The following NXPH2 variants were observed in gnomAD, a reference collection of about 807,000 sequenced individuals.
NXPH2 encodes neurexophilin-2.
Under a neutral mutation model 19.8 loss-of-function variants are expected in NXPH2, and 5 were observed. The observed-to-expected ratio is 0.25, with a 90% CI of 0.13 to 0.53. NXPH2 has a LOEUF of 0.53. NXPH2 is among the 20% of genes least tolerant of loss of function. The pLI, the probability that NXPH2 is intolerant of heterozygous loss-of-function variation, is 0.96. For synonymous variants in NXPH2, 154 were observed against 127.4 expected, an observed-to-expected ratio of 1.21 and a Z score of -1.41; for missense variants, 289 against 322.8, an observed-to-expected ratio of 0.90 and a Z score of 0.80.
At position 138,693,624 on chromosome 2, in the gene NXPH2, T is replaced by C. The variant is rs115110501; in HGVS notation, c.52-21959A>G. The stretch of plus-strand genomic sequence containing the variant: ...CAAAGATGTGACTCTCTAGAAGCAA[T>C]AAACTATAAGAGAGCTGTATTGGTG... On this transcript the variant is annotated intron_variant, in intron 1 of 1. Transcript: ENST00000272641. Among the ~76,000 whole-genome samples, 432 of 151,918 alleles carry C rather than the reference T, an allele frequency of 2.8e-3. 2 individuals are homozygous for C. Among genetic ancestry groups the C allele is most frequent in the African/African-American group, 9.7e-3 (402 of 41,412 alleles).
At position 138,765,173 on chromosome 2, in the gene NXPH2, T is replaced by C. The variant is rs570382475; in HGVS notation, c.51+15018A>G. Among the ~76,000 whole-genome samples, 3 of 152,322 alleles carry C rather than the reference T, an allele frequency of 2.0e-5. No individual in the cohort carries two copies. In the East Asian group the frequency reaches 5.8e-4, roughly 29 times the overall value. On this transcript the variant is annotated intron_variant, in intron 1 of 1. Coordinates refer to ENST00000272641, the MANE Select transcript of NXPH2 (RefSeq NM_007226.3). ...TTATTTGTGTGCCTGCATGTGTTTA[T>C]GTATAAAGACAGGCACAGGAATGTG... is the stretch of plus-strand genomic sequence containing the variant.
intron 1 of NXPH2, among the ~76,000 whole-genome samples, chr2:138,759,637 A>C (rs1188237968): frequency 6.6e-6 from 1 of 151,466 alleles, no homozygotes; most frequent in Non-Finnish European, 1.5e-5. Flanking sequence ...CACGAGCCAC[A>C]CCTATCTTAT....
intron 1 of NXPH2, among the ~76,000 whole-genome samples, chr2:138,717,074 G>A (rs1279321726): frequency 6.6e-6 from 1 of 152,134 alleles, no homozygotes; most frequent in East Asian, 1.9e-4. Context: ...CAAATCAACA[G>A]AGAAATAGTG....
intron 1 of NXPH2, among the ~76,000 whole-genome samples, chr2:138,732,441 C>T (rs776859466): frequency 3.9e-5 from 6 of 152,064 alleles, no homozygotes; most frequent in African/African-American, 1.2e-4. Flanking sequence ...TGTGAGATTG[C>T]GAAGGAGGGG....
At chr2:138,705,240 A>G (rs183402489) in intron 1 of NXPH2, among the ~76,000 whole-genome samples, 1 of 152,314 alleles carries the variant, frequency 6.6e-6, no homozygotes, top group African/African-American at 2.4e-5. Flanking sequence ...TTGAGATTAC[A>G]GGCATCAGCC....
chr2:138,693,813 C>T (rs553680919), intron 1 of NXPH2, among the ~76,000 whole-genome samples: 4 of 152,182 alleles, frequency 2.6e-5, no homozygotes, highest in Admixed American at 2.6e-4. Context: ...GCCTGCTCCA[C>T]CTATGACAGT....
intron 1 of NXPH2, among the ~76,000 whole-genome samples, chr2:138,675,544 C>T (rs988241713): frequency 6.6e-6 from 1 of 151,932 alleles, no homozygotes; most frequent in Non-Finnish European, 1.5e-5. Context: ...AGCAATAGGA[C>T]ATTACTGAGA....
chr2:138,743,728 C>T (rs1158400726), intron 1 of NXPH2, among the ~76,000 whole-genome samples: 7 of 152,130 alleles, frequency 4.6e-5, no homozygotes, highest in East Asian at 3.9e-4. Flanking sequence ...AGTAGCCAGG[C>T]GTGGTGGCTC....
chr2:138,686,772 AT>A (rs1462292247), intron 1 of NXPH2, among the ~76,000 whole-genome samples: 2 of 151,960 alleles, frequency 1.3e-5, no homozygotes, highest in Admixed American at 6.6e-5. Context: ...TCATTGTTCA[AT>A]TCCCACCTAT....
intron 1 of NXPH2, among the ~76,000 whole-genome samples, chr2:138,776,917 T>C (rs555321070): frequency 8.7e-4 from 132 of 152,180 alleles, no homozygotes; most frequent in African/African-American, 3.1e-3. Flanking sequence ...TCTGATTTTA[T>C]AGGATTCTAA....
At chr2:138,723,936 T>TTTTC (rs1247618315) in intron 1 of NXPH2, among the ~76,000 whole-genome samples, 1 of 151,376 alleles carries the variant, frequency 6.6e-6, no homozygotes, top group African/African-American at 2.4e-5. Context: ...CATAATTTCT[T>TTTTC]TTTTTTTTTT....
At chr2:138,723,403 T>C (rs1242379333) in intron 1 of NXPH2, among the ~76,000 whole-genome samples, 2 of 152,196 alleles carry the variant, frequency 1.3e-5, no homozygotes, top group African/African-American at 4.8e-5. Flanking sequence ...AATCAGCCCA[T>C]TTGGCTCAAA....
At chr2:138,733,458 T>C (rs1227268591) in intron 1 of NXPH2, among the ~76,000 whole-genome samples, 1 of 152,190 alleles carries the variant, frequency 6.6e-6, no homozygotes, top group African/African-American at 2.4e-5. Flanking sequence ...CTGGGAAAGA[T>C]AGTTAATATT....
intron 1 of NXPH2, among the ~76,000 whole-genome samples, chr2:138,718,312 C>T (rs560462908): frequency 9.2e-5 from 14 of 151,866 alleles, no homozygotes; most frequent in Non-Finnish European, 1.6e-4. Context: ...AATGGGGCCA[C>T]TTATAAAGGA....
chr2:138,736,363 A>G (rs187495072), intron 1 of NXPH2, among the ~76,000 whole-genome samples: 66 of 152,306 alleles, frequency 4.3e-4, no homozygotes, highest in Non-Finnish European at 7.9e-4. Context: ...ACTTCTGGGC[A>G]CTTGTAGGTT....
At chr2:138,705,165 C>T (rs1449577075) in intron 1 of NXPH2, among the ~76,000 whole-genome samples, 3 of 151,894 alleles carry the variant, frequency 2.0e-5, no homozygotes, top group Admixed American at 6.6e-5. Flanking sequence ...AGTCTCGATA[C>T]GTTGCTCAGG....
In NXPH2 at chr2:138,729,132, C is replaced by T. The variant is rs13395499; in HGVS notation, c.51+51059G>A. Among the ~76,000 whole-genome samples the T allele has an allele frequency of 6.5e-3, 990 of 152,300 alleles. 15 individuals carry two copies. Among genetic ancestry groups the T allele is most frequent in the African/African-American group, 0.022 (907 of 41,562 alleles). ...CTTCCCACTGTCTCCTTCTCCTCAA[C>T]AGCTTTAGTGCCTGATACGGTTTGG... On this transcript the variant is annotated intron_variant, in intron 1 of 1. Coordinates refer to ENST00000272641, the MANE Select transcript of NXPH2 (RefSeq NM_007226.3).
At chr2:138,689,824 T>C (rs1209026691) in intron 1 of NXPH2, among the ~76,000 whole-genome samples, 1 of 152,186 alleles carries the variant, frequency 6.6e-6, no homozygotes, top group Admixed American at 6.5e-5. Flanking sequence ...ACTCATCGAC[T>C]TGCTGATTAA....
At chr2:138,762,128 C>G (rs1176438633) in intron 1 of NXPH2, among the ~76,000 whole-genome samples, 1 of 152,076 alleles carries the variant, frequency 6.6e-6, no homozygotes, top group Non-Finnish European at 1.5e-5. Context: ...GGTTTTGTTT[C>G]TGTTATGACA....
Sources: allele counts gnomAD v4.1 joint callset (sites outside exome capture counted in the v4.1 genomes callset), GRCh38; gene constraint gnomAD v4.1.1; transcripts MANE v1.5; gene names NCBI Gene and HGNC (gene_info 2026-07-23, HGNC 2026-07-21).